The following FGF14 variants were observed in gnomAD, a reference collection of about 807,000 sequenced individuals.
FGF14 encodes fibroblast growth factor homologous factor 4.
A neutral mutation model predicts 25.5 loss-of-function variants in FGF14; 5 were observed. The observed-to-expected ratio is 0.20, with a 90% CI of 0.10 to 0.41. FGF14 has a LOEUF of 0.41. Among genes scored for constraint, FGF14 ranks in the 10% least tolerant of loss-of-function variants. The pLI is 1.00. For missense variants in FGF14, 222 were observed against 320.1 expected (o/e 0.69, Z 2.34); for synonymous variants, 138 against 118.3 (o/e 1.17, Z -1.08).
At chr13:102,203,813 C>A (rs2049782259) in intron 1 of FGF14, among the ~76,000 whole-genome samples, 1 of 152,136 alleles carries the variant, frequency 6.6e-6, no homozygotes, top group African/African-American at 2.4e-5. Context: ...AGGACAAATA[C>A]AATTTAATGT....
intron 3 of FGF14, among the ~76,000 whole-genome samples, chr13:101,810,024 T>C (rs1251927757): frequency 6.6e-6 from 1 of 152,196 alleles, no homozygotes; most frequent in Non-Finnish European, 1.5e-5. Flanking sequence ...GTTCCTATAG[T>C]ATTTACAGAT....
chr13:102,383,180 A>G (rs2139185811), intron 1 of FGF14, among the ~76,000 whole-genome samples: 1 of 152,270 alleles, frequency 6.6e-6, no homozygotes, highest in Admixed American at 6.5e-5. Flanking sequence ...AATTACAACT[A>G]GAATTGTGAT....
intron 3 of FGF14, among the ~76,000 whole-genome samples, chr13:101,850,666 T>A (rs1229376713): frequency 3.5e-5 from 5 of 143,594 alleles, no homozygotes; most frequent in African/African-American, 5.0e-5. Context: ...ATATTCTATA[T>A]AGAGAATAGA....
intron 1 of FGF14, among the ~76,000 whole-genome samples, chr13:101,876,052 T>C (rs570453769): frequency 7.6e-4 from 116 of 152,256 alleles, no homozygotes; most frequent in Non-Finnish European, 1.3e-3. Flanking sequence ...AGTTATACAA[T>C]ATGAAATCTG....
At chr13:102,268,826 A>G (rs2053116954) in intron 1 of FGF14, among the ~76,000 whole-genome samples, 1 of 152,224 alleles carries the variant, frequency 6.6e-6, no homozygotes, top group Non-Finnish European at 1.5e-5. Flanking sequence ...ATTTCCATCA[A>G]AAGACTGACT....
intron 1 of FGF14, among the ~76,000 whole-genome samples, chr13:102,163,527 C>G (rs1435023408): frequency 6.6e-6 from 1 of 152,102 alleles, no homozygotes; most frequent in Non-Finnish European, 1.5e-5. Flanking sequence ...AAGAAATGCT[C>G]TATAACAAGA....
chr13:101,797,997 G>T (rs573985537), intron 3 of FGF14, among the ~76,000 whole-genome samples: 37 of 152,048 alleles, frequency 2.4e-4, no homozygotes, highest in Non-Finnish European at 4.4e-4. Flanking sequence ...TGAAAGTTAC[G>T]AAAGTACTTG....
chr13:102,092,433 A>G (rs943514538), intron 1 of FGF14, among the ~76,000 whole-genome samples: 1 of 152,184 alleles, frequency 6.6e-6, no homozygotes, highest in Non-Finnish European at 1.5e-5. Context: ...TCAGAATAAA[A>G]TAAGGCAGAG....
chr13:102,213,022 T>C (rs955559709), intron 1 of FGF14, among the ~76,000 whole-genome samples: 1 of 152,210 alleles, frequency 6.6e-6, no homozygotes, highest in Non-Finnish European at 1.5e-5. Context: ...CTGTGGCAAC[T>C]GCCACTTTTA....
intron 1 of FGF14, among the ~76,000 whole-genome samples, chr13:102,278,480 T>C (rs1421514739): frequency 4.6e-5 from 7 of 152,156 alleles, no homozygotes; most frequent in South Asian, 2.1e-4. Flanking sequence ...ATGAGGTAGA[T>C]GAAACAGGGG....
At chr13:101,890,362 C>T (rs1311327863) in intron 1 of FGF14, among the ~76,000 whole-genome samples, 1 of 151,984 alleles carries the variant, frequency 6.6e-6, no homozygotes, top group Non-Finnish European at 1.5e-5. Context: ...ACACATTGTT[C>T]TTGGAAAACG....
intron 1 of FGF14, among the ~76,000 whole-genome samples, chr13:102,112,665 T>C (rs2140328243): frequency 6.6e-6 from 1 of 152,358 alleles, no homozygotes. Flanking sequence ...TTAATGGTTC[T>C]GGGATATCTT....
At chr13:101,731,841 C>T (rs890805675) in intron 3 of FGF14, among the ~76,000 whole-genome samples, 1 of 152,116 alleles carries the variant, frequency 6.6e-6, no homozygotes, top group African/African-American at 2.4e-5. Flanking sequence ...AGGCACTTTC[C>T]TTTGTTTATA....
intron 1 of FGF14, among the ~76,000 whole-genome samples, chr13:101,886,241 G>T (rs1487883628): frequency 6.6e-6 from 1 of 152,074 alleles, no homozygotes; most frequent in Non-Finnish European, 1.5e-5. Flanking sequence ...CTATAAAAAT[G>T]CTTGCTATGA....
intron 1 of FGF14, among the ~76,000 whole-genome samples, chr13:102,245,941 C>A (rs2051842861): frequency 6.6e-6 from 1 of 151,970 alleles, no homozygotes; most frequent in African/African-American, 2.4e-5. Context: ...AAACCGGATG[C>A]CTTCATTTTT....
intron 1 of FGF14, among the ~76,000 whole-genome samples, chr13:102,321,084 T>C (rs1054773485): frequency 7.9e-5 from 12 of 152,190 alleles, no homozygotes; most frequent in African/African-American, 2.9e-4. Context: ...TCTGTAGAAG[T>C]AAGGGCACCA....
At chr13:101,818,811 A>C (rs1278286555) in intron 3 of FGF14, among the ~76,000 whole-genome samples, 4 of 152,212 alleles carry the variant, frequency 2.6e-5, no homozygotes, top group Non-Finnish European at 5.9e-5. Context: ...TTAAAATGGC[A>C]ATAATCCCTA....
intron 1 of FGF14, among the ~76,000 whole-genome samples, chr13:102,360,586 G>C (rs1321078460): frequency 1.3e-5 from 2 of 152,142 alleles, no homozygotes; most frequent in Middle Eastern, 3.2e-3. Flanking sequence ...GATAGTACAA[G>C]ATGAAAATAT....
At chr13:102,121,627 A>G (rs886849831) in intron 1 of FGF14, among the ~76,000 whole-genome samples, 7 of 152,210 alleles carry the variant, frequency 4.6e-5, no homozygotes, top group African/African-American at 1.7e-4. Flanking sequence ...GTTTACTTAT[A>G]TTAATTTATA....
Sources: gnomAD v4.1 joint callset for allele counts (sites outside exome capture counted in the v4.1 genomes callset) on GRCh38, gnomAD v4.1.1 for gene constraint, MANE v1.5 for transcripts, NCBI Gene and HGNC (gene_info 2026-07-23, HGNC 2026-07-21) for gene names.